Variants in WWOX observed in about 807,000 individuals in gnomAD.
WWOX encodes WW domain-containing oxidoreductase.
WWOX carries 69 observed loss-of-function variants against 46.2 expected under a neutral mutation model. The observed-to-expected ratio is 1.49, with a 90% CI of 1.23 to 1.82. The LOEUF is 1.82. Among genes scored for constraint, WWOX ranks in the 40% most tolerant of loss-of-function variants. The pLI, the probability that WWOX is intolerant of heterozygous loss-of-function variation, is 0.00. For missense variants in WWOX, 919 were observed against 542.6 expected (o/e 1.69, Z -6.89); for synonymous variants, 359 against 202.6 (o/e 1.77, Z -6.56).
At chr16:78,544,481 A>T (rs1401306922) in intron 8 of WWOX, among the ~76,000 whole-genome samples, 1 of 152,214 alleles carries the variant, frequency 6.6e-6, no homozygotes, top group Non-Finnish European at 1.5e-5. Flanking sequence ...ATGAATGCCA[A>T]AGTCACAGAG....
At chr16:79,128,150 A>G (rs984836686) in intron 8 of WWOX, among the ~76,000 whole-genome samples, 2 of 152,152 alleles carry the variant, frequency 1.3e-5, no homozygotes, top group African/African-American at 4.8e-5. Context: ...TTTAAGAAGA[A>G]GACAATGGCT....
intron 5 of WWOX, among the ~76,000 whole-genome samples, chr16:78,383,187 G>C (rs1245694125): frequency 1.1e-4 from 16 of 151,916 alleles, no homozygotes. Flanking sequence ...TGAGATTTGG[G>C]TAGGGACACA....
chr16:78,358,612 A>C (rs1032400835), intron 5 of WWOX, among the ~76,000 whole-genome samples: 2 of 152,136 alleles, frequency 1.3e-5, no homozygotes, highest in Admixed American at 6.6e-5. Flanking sequence ...GAGCCGAGAT[A>C]GTTCTACTGC....
At chr16:78,771,946 A>G (rs547082277) in intron 8 of WWOX, among the ~76,000 whole-genome samples, 7 of 152,360 alleles carry the variant, frequency 4.6e-5, no homozygotes, top group African/African-American at 1.7e-4. Flanking sequence ...AAAGAATAGT[A>G]CAAAAATGAT....
chr16:78,427,059 G>C (rs1222483343), intron 7 of WWOX, among the ~76,000 whole-genome samples: 1 of 152,186 alleles, frequency 6.6e-6, no homozygotes, highest in Non-Finnish European at 1.5e-5. Flanking sequence ...TCCCATGAGT[G>C]AGCGTGGTGA....
At chr16:79,109,149 G>A (rs956902716) in intron 8 of WWOX, among the ~76,000 whole-genome samples, 3 of 152,030 alleles carry the variant, frequency 2.0e-5, no homozygotes, top group Non-Finnish European at 2.9e-5. Flanking sequence ...GAGGCAGGGG[G>A]CACTTTTCAT....
intron 8 of WWOX, among the ~76,000 whole-genome samples, chr16:79,109,845 C>G (rs2049383002): frequency 6.6e-6 from 1 of 152,114 alleles, no homozygotes; most frequent in African/African-American, 2.4e-5. Flanking sequence ...GCAGAGGTTT[C>G]CCAAGCATGC....
At chr16:78,296,649 A>G (rs965018402) in intron 5 of WWOX, among the ~76,000 whole-genome samples, 1 of 152,038 alleles carries the variant, frequency 6.6e-6, no homozygotes, top group Non-Finnish European at 1.5e-5. Context: ...AATGCAAAAA[A>G]ATAAAAAAAA....
chr16:79,148,688 T>C (rs1304943776), intron 8 of WWOX, among the ~76,000 whole-genome samples: 1 of 152,176 alleles, frequency 6.6e-6, no homozygotes, highest in Non-Finnish European at 1.5e-5. Flanking sequence ...CTTTACTATG[T>C]TGAGTCTTCC....
chr16:78,542,692 A>G (rs1263778878), intron 8 of WWOX, among the ~76,000 whole-genome samples: 1 of 152,210 alleles, frequency 6.6e-6, no homozygotes, highest in African/African-American at 2.4e-5. Flanking sequence ...ACACATATTA[A>G]ATAGACAATT....
chr16:78,581,862 G>A (rs971723479), intron 8 of WWOX, among the ~76,000 whole-genome samples: 7 of 152,120 alleles, frequency 4.6e-5, no homozygotes, highest in African/African-American at 1.4e-4. Context: ...TTTGCTTATC[G>A]GGTTTGTCAT....
At chr16:78,266,813 T>TCCCC (rs2079373630) in intron 5 of WWOX, among the ~76,000 whole-genome samples, 1 of 150,950 alleles carries the variant, frequency 6.6e-6, no homozygotes, top group African/African-American at 2.4e-5. Context: ...TCTCTCTCTC[T>TCCCC]CTCTCTCTCT....
chr16:78,223,877 G>A (rs537780407), intron 5 of WWOX, among the ~76,000 whole-genome samples: 1 of 152,296 alleles, frequency 6.6e-6, no homozygotes, highest in Non-Finnish European at 1.5e-5. Context: ...TATGTCTAAG[G>A]TGGGGAAGTT....
chr16:78,706,374 G>T (rs1313353772), intron 8 of WWOX, among the ~76,000 whole-genome samples: 1 of 151,988 alleles, frequency 6.6e-6, no homozygotes, highest in Non-Finnish European at 1.5e-5. Flanking sequence ...TGTTAAATTA[G>T]ATGCCTTCTC....
chr16:78,644,005 G>A (rs955158723), intron 8 of WWOX, among the ~76,000 whole-genome samples: 6 of 152,146 alleles, frequency 3.9e-5, no homozygotes, highest in African/African-American at 1.2e-4. Context: ...GGCAGATCAC[G>A]TGAGGTCAGG....
chr16:78,269,331 G>A (rs116586951), intron 5 of WWOX, among the ~76,000 whole-genome samples: 1,771 of 152,264 alleles, frequency 0.012, 30 homozygotes, highest in African/African-American at 0.038. Context: ...CTGCAAACCC[G>A]GATAGACTGG....
At chr16:78,667,012 A>G (rs2047346452) in intron 8 of WWOX, among the ~76,000 whole-genome samples, 1 of 152,162 alleles carries the variant, frequency 6.6e-6, no homozygotes, top group Admixed American at 6.5e-5. Context: ...CTCTAACTCT[A>G]AAACCCAACT....
At chr16:78,836,121 A>G (rs971164224) in intron 8 of WWOX, among the ~76,000 whole-genome samples, 3 of 152,150 alleles carry the variant, frequency 2.0e-5, no homozygotes, top group East Asian at 1.9e-4. Flanking sequence ...TTAGAGATCT[A>G]TATATACCGC....
intron 8 of WWOX, among the ~76,000 whole-genome samples, chr16:78,841,012 A>G (rs894798513): frequency 6.6e-6 from 1 of 152,096 alleles, no homozygotes; most frequent in Admixed American, 6.6e-5. Context: ...CCACGGGTCC[A>G]TCCTGTGATG....
Sources: allele counts gnomAD v4.1 joint callset (sites outside exome capture counted in the v4.1 genomes callset), GRCh38; gene constraint gnomAD v4.1.1; transcripts MANE v1.5; gene names NCBI Gene and HGNC (gene_info 2026-07-23, HGNC 2026-07-21).